Variants in NCKAP5 observed in about 807,000 individuals in gnomAD.
The protein encoded by NCKAP5 is nck-associated protein 5.
A neutral mutation model predicts 167.0 loss-of-function variants in NCKAP5; 92 were observed. That is an observed-to-expected ratio of 0.55 (90% CI 0.47 to 0.66). The LOEUF is 0.66. Ranked by LOEUF, NCKAP5 falls within the 30% of genes least tolerant of loss-of-function variation. The pLI is 0.00. For synonymous variants in NCKAP5, 891 were observed against 877.4 expected, an observed-to-expected ratio of 1.02 and a Z score of -0.27; for missense variants, 2,378 against 2,315.0, an observed-to-expected ratio of 1.03 and a Z score of -0.56.
At chr2:133,277,745 T>C (rs2089788004) in intron 4 of NCKAP5, among the ~76,000 whole-genome samples, 1 of 152,114 alleles carries the variant, frequency 6.6e-6, no homozygotes, top group Admixed American at 6.5e-5. Context: ...GTAAATTTAC[T>C]ATAAAGTTTC....
At chr2:133,196,866 T>A (rs2085458424) in intron 5 of NCKAP5, among the ~76,000 whole-genome samples, 1 of 152,044 alleles carries the variant, frequency 6.6e-6, no homozygotes, top group Admixed American at 6.6e-5. Flanking sequence ...CCCAGAAAAA[T>A]CTGCACTGAT....
intron 3 of NCKAP5, among the ~76,000 whole-genome samples, chr2:133,494,788 G>T (rs1266553842): frequency 3.3e-5 from 5 of 151,976 alleles, no homozygotes; most frequent in South Asian, 2.1e-4. Flanking sequence ...GGCACCAAAA[G>T]AAATTATTTT....
intron 5 of NCKAP5, among the ~76,000 whole-genome samples, chr2:133,173,868 T>C (rs1384000200): frequency 6.6e-6 from 1 of 152,246 alleles, no homozygotes; most frequent in African/African-American, 2.4e-5. Flanking sequence ...ATGACAGATT[T>C]ACCAAAAATC....
chr2:133,217,841 AC>A, intron 4 of NCKAP5, among the ~76,000 whole-genome samples: 1 of 152,108 alleles, frequency 6.6e-6, no homozygotes, highest in East Asian at 1.9e-4. Context: ...GCACACATAT[AC>A]CCTGATTCCC....
At chr2:132,905,420 A>G (rs1693934695) in intron 8 of NCKAP5, among the ~76,000 whole-genome samples, 1 of 152,150 alleles carries the variant, frequency 6.6e-6, no homozygotes, top group South Asian at 2.1e-4. Flanking sequence ...TCTCTTTTCG[A>G]AACATTTCTT....
At chr2:133,525,587 T>C (rs1684805523) in intron 2 of NCKAP5, among the ~76,000 whole-genome samples, 1 of 152,198 alleles carries the variant, frequency 6.6e-6, no homozygotes, top group Non-Finnish European at 1.5e-5. Context: ...AGAGAAAACT[T>C]CCAATATTCA....
At position 133,426,384 on chromosome 2, in the gene NCKAP5, T is replaced by TAA. The variant is rs141816071; in HGVS notation, c.69+91072_69+91073dup. Among the ~76,000 whole-genome samples, 22 of 116,208 alleles carry TAA rather than the reference T, an allele frequency of 1.9e-4. No individual in the cohort carries two copies. In the East Asian group the frequency reaches 2.0e-3, roughly 10 times the overall value. The allele number at this position is 116,208 out of a possible 152,430, so 76.2% of individuals were successfully genotyped here. ...ATATATAGCCTTAAATGCTTTTATT[T>TAA]AAAAAAAAAAGATAGAAAATAAATG... On this transcript the variant is annotated intron_variant, in intron 3 of 19. Transcript: ENST00000409261.
intron 3 of NCKAP5, among the ~76,000 whole-genome samples, chr2:133,439,240 G>C (rs1310188957): frequency 6.6e-6 from 1 of 152,152 alleles, no homozygotes; most frequent in African/African-American, 2.4e-5. Context: ...AATTTTAACT[G>C]TGAAAGGGGA....
At chr2:133,401,386 T>A (rs986202477) in intron 3 of NCKAP5, among the ~76,000 whole-genome samples, 1 of 152,216 alleles carries the variant, frequency 6.6e-6, no homozygotes. Context: ...TAGCACATTA[T>A]CCAAACTGAG....
At chr2:133,586,254 C>T in the NCKAP5 span, among the ~76,000 whole-genome samples, 3 of 152,134 alleles carry the variant, frequency 2.0e-5, no homozygotes, top group Non-Finnish European at 2.9e-5. Flanking sequence ...TCCAGCCTGC[C>T]AACACAAGTC....
At chr2:133,163,674 G>C (rs2083889460) in intron 5 of NCKAP5, among the ~76,000 whole-genome samples, 1 of 152,214 alleles carries the variant, frequency 6.6e-6, no homozygotes, top group Non-Finnish European at 1.5e-5. Context: ...TAAAGGTGCA[G>C]TGAGGAACAG....
In NCKAP5 at chr2:132,825,178, C is replaced by T. The variant is rs901726730; in HGVS notation, c.808-28449G>A. 1.2e-4 allele frequency among the ~76,000 whole-genome samples: 19 copies of T among 152,188 alleles called. 1 individual carries two copies. The highest frequency in any genetic ancestry group is 9.8e-4 in the Admixed American group (15 of 15,278). ...ATTCATAATGTTACACAGCTATCCT[C>T]GTACTGCCCACAGGACACCGACAAA... On this transcript the variant is annotated intron_variant, in intron 11 of 19. Coordinates refer to ENST00000409261, the MANE Select transcript of NCKAP5 (RefSeq NM_207363.3).
intron 4 of NCKAP5, among the ~76,000 whole-genome samples, chr2:133,270,544 G>A (rs1220344861): frequency 1.3e-5 from 2 of 152,168 alleles, no homozygotes; most frequent in African/African-American, 4.8e-5. Flanking sequence ...GCCGATTCAC[G>A]CTGACTTCCT....
intron 5 of NCKAP5, among the ~76,000 whole-genome samples, chr2:133,170,941 G>A (rs1315473549): frequency 6.6e-6 from 1 of 152,000 alleles, no homozygotes. Flanking sequence ...CAGGTGACAA[G>A]CTTGCTAAGT....
At chr2:133,511,959 T>C (rs989076240) in intron 3 of NCKAP5, among the ~76,000 whole-genome samples, 12 of 152,174 alleles carry the variant, frequency 7.9e-5, no homozygotes. Context: ...GAGATTAGAC[T>C]AGCTGGAAAC....
At chr2:133,232,368 C>G (rs778321604) in intron 4 of NCKAP5, among the ~76,000 whole-genome samples, 6 of 152,054 alleles carry the variant, frequency 3.9e-5, no homozygotes, top group Non-Finnish European at 5.9e-5. Context: ...ATCGGAATTC[C>G]ATTTAAAAAA....
At chr2:133,146,266 G>C (rs986201015) in intron 5 of NCKAP5, among the ~76,000 whole-genome samples, 1 of 151,684 alleles carries the variant, frequency 6.6e-6, no homozygotes, top group South Asian at 2.1e-4. Flanking sequence ...GCAACATCTA[G>C]ATAAAATGGG....
chr2:133,198,343 ACAT>A (rs2150110253), intron 5 of NCKAP5, among the ~76,000 whole-genome samples: 1 of 152,256 alleles, frequency 6.6e-6, no homozygotes, highest in African/African-American at 2.4e-5. Context: ...ATGTCCAAAC[ACAT>A]CATAACCACA....
chr2:132,846,130 C>T (rs1234797815), intron 11 of NCKAP5, among the ~76,000 whole-genome samples: 6 of 152,040 alleles, frequency 3.9e-5, no homozygotes, highest in African/African-American at 9.7e-5. Flanking sequence ...CTAATATCAG[C>T]GTACCTTGGT....
Sources: allele counts gnomAD v4.1 joint callset (sites outside exome capture counted in the v4.1 genomes callset), GRCh38; gene constraint gnomAD v4.1.1; transcripts MANE v1.5; gene names NCBI Gene and HGNC (gene_info 2026-07-23, HGNC 2026-07-21).